The following SZT2 variants were observed in gnomAD, a reference collection of about 807,000 sequenced individuals.
SZT2 encodes KICSTOR complex protein SZT2.
A neutral mutation model predicts 404.2 loss-of-function variants in SZT2; 216 were observed. That is an observed-to-expected ratio of 0.53 (90% CI 0.48 to 0.60). SZT2 has a LOEUF of 0.60. Among genes scored for constraint, SZT2 ranks in the 20% least tolerant of loss-of-function variants. The probability of loss-of-function intolerance (pLI) is 0.00; values close to 1 mark genes in which losing one functional copy is unlikely to be tolerated. For synonymous variants in SZT2, 1,693 were observed against 1,749.9 expected, an observed-to-expected ratio of 0.97 and a Z score of 0.81; for missense variants, 3,857 against 4,459.2, an observed-to-expected ratio of 0.86 and a Z score of 3.85.
At position 43,433,024 on chromosome 1, in the gene SZT2, G is replaced by T; in HGVS notation, c.5638G>T (p.Gly1880Cys). The T allele has an allele frequency of 6.2e-7, 1 of 1,614,024 alleles. No individual in the cohort carries two copies. Residue 1880 changes from glycine to cysteine, a missense_variant, in exon 40 of 72, where the codon GGT becomes TGT. Gly to Cys is a radical substitution (Grantham distance 159). This residue lies in a region of SZT2 where 1,725 missense variants were observed against 1,881.0 expected (regional missense o/e 0.92). Transcript: ENST00000634258. ...TGGCAGCAGTGGCTCAGACAGTGAG[G>T]GTCCCAATGACACCCTTGGTGAGAA... ...DGGSSGSDSE[G>C]PNDTLGEKAP...
chr1:43,421,166 T>C lies in SZT2; in HGVS notation c.1497-8T>C, dbSNP rs745636903. 9.4e-6 allele frequency: 15 copies of C among 1,598,170 alleles called. No homozygotes were observed. The African/African-American group carries it at 1.5e-4, about 16-fold the overall frequency. ...AGATATGGCTCAGGCCTGGCCCTTA[T>C]TCTACAGCATCAACCAGACAGACCA... On this transcript the variant is annotated splice_region_variant and splice_polypyrimidine_tract_variant and intron_variant, in intron 10 of 71. Coordinates refer to ENST00000634258, the MANE Select transcript of SZT2 (RefSeq NM_001365999.1).
chr1:43,389,908 A>C lies in SZT2; in HGVS notation c.-61A>C. 1 of 1,549,096 alleles carries C rather than the reference A, an allele frequency of 6.5e-7. No homozygotes were observed. The highest frequency in any genetic ancestry group is 8.7e-7 in the Non-Finnish European group (1 of 1,148,914). Reference sequence around the variant, plus strand: ...GTTCCTGCTGGGTGCCGAGGTAGCGAGGTCAGGGGTCAAGAGTGGAACACC... The same window carrying C: ...GTTCCTGCTGGGTGCCGAGGTAGCGCGGTCAGGGGTCAAGAGTGGAACACC... On this transcript the variant is annotated 5_prime_UTR_variant, in exon 1 of 72. Transcript: ENST00000634258.
At position 43,450,845 on chromosome 1, in the gene SZT2, A is replaced by G. The variant is rs762857507; in HGVS notation, c.*365A>G. ...CCTGAATCCTGCCCCCTAGCCTTTG[A>G]CCACTGTCAGCCACCTGTGTCCCTT... On this transcript the variant is annotated 3_prime_UTR_variant, in exon 72 of 72. Coordinates refer to ENST00000634258, the MANE Select transcript of SZT2 (RefSeq NM_001365999.1). The surrounding 1 kb of genome is among the most constrained non-coding windows in gnomAD (Gnocchi z 4.3). 1 of 712,140 alleles carries G rather than the reference A, an allele frequency of 1.4e-6. No individual in the cohort carries two copies. The highest frequency in any genetic ancestry group is 1.4e-5 in the South Asian group (1 of 73,354). The allele number at this position is 712,140 out of a possible 1,614,324, so 44.1% of individuals were successfully genotyped here.
At chr1:43,393,180 G>A (rs527735179) in intron 1 of SZT2, among the ~76,000 whole-genome samples, 2 of 152,314 alleles carry the variant, frequency 1.3e-5, no homozygotes, top group Admixed American at 1.3e-4. Context: ...GAGGCAGAGA[G>A]CATTGCAGGC....
intron 35 of SZT2, 86 bp downstream of exon 35, chr1:43,431,609 G>T: frequency 6.2e-7 from 1 of 1,600,758 alleles, no homozygotes; most frequent in Non-Finnish European, 8.6e-7. Context: ...TGGGATAGAA[G>T]TGAGGCCTCT....
chr1:43,451,412 C>A lies in SZT2; in HGVS notation c.*932C>A. Reference sequence around the variant, plus strand: ...CCTTCCCCAGGGCCACGCCTCACCTCGAGGCTGATACTCACAGCCCACGAA... The same window carrying A: ...CCTTCCCCAGGGCCACGCCTCACCTAGAGGCTGATACTCACAGCCCACGAA... On this transcript the variant is annotated 3_prime_UTR_variant, in exon 72 of 72. Transcript: ENST00000634258. The A allele has an allele frequency of 1.9e-6, 3 of 1,612,572 alleles. No individual in the cohort carries two copies. The highest frequency in any genetic ancestry group is 2.5e-6 in the Non-Finnish European group (3 of 1,180,028).
intron 25 of SZT2, 35 bp from the exon 26 acceptor site, chr1:43,427,495 G>C (rs758047211): frequency 6.2e-7 from 1 of 1,613,612 alleles, no homozygotes; most frequent in Non-Finnish European, 8.5e-7. Context: ...GAAACAGATA[G>C]AGCTGGAAGA....
chr1:43,397,589 G>A (rs1321103752), intron 1 of SZT2, among the ~76,000 whole-genome samples: 5 of 150,870 alleles, frequency 3.3e-5, no homozygotes, highest in Non-Finnish European at 7.4e-5. Context: ...GTGCAGTGGT[G>A]CAATCTTGGC....
At chr1:43,417,521 C>T (rs956725548) in intron 7 of SZT2, among the ~76,000 whole-genome samples, 1 of 152,196 alleles carries the variant, frequency 6.6e-6, no homozygotes, top group Non-Finnish European at 1.5e-5. Flanking sequence ...TTAAGAACAT[C>T]ACCTTTGGAG....
chr1:43,427,624 T>C lies in SZT2; in HGVS notation c.3693T>C (p.Asp1231=), dbSNP rs772290345. The change falls in exon 26 of 72, where the codon GAT becomes GAC. Residue 1231 remains aspartate (D), a synonymous_variant. Transcript: ENST00000634258. ...AGGCTTCCCAGACAGAGAGTGCGGA[T>C]GGGCCCCGGACCCGGTGTCCTGTCT... is the stretch of plus-strand genomic sequence containing the variant. The part of the protein sequence containing the change: ...GRQASQTESA[D]GPRTRCPVYI... The C allele has an allele frequency of 1.2e-6, 2 of 1,614,084 alleles. No homozygotes were observed. The highest frequency in any genetic ancestry group is 1.7e-6 in the Non-Finnish European group (2 of 1,180,058).
intron 1 of SZT2, among the ~76,000 whole-genome samples, chr1:43,400,606 T>C (rs1217931698): frequency 6.6e-6 from 1 of 152,222 alleles, no homozygotes; most frequent in African/African-American, 2.4e-5. Flanking sequence ...GCGTGGTGGC[T>C]CACGCCTGTA....
In SZT2 at chr1:43,441,418, G is replaced by A. The variant is rs1655047461; in HGVS notation, c.7511+38G>A. ...TGGTGGTGTGCCCTGGGAGGGTATG[G>A]GTGTGAAGTCACAGATGGGCCTTGG... On this transcript the variant is annotated intron_variant, in intron 53 of 71. Transcript: ENST00000634258. The surrounding 1 kb of genome is among the most constrained non-coding windows in gnomAD (Gnocchi z 4.8). 7.4e-6 allele frequency: 12 copies of A among 1,611,942 alleles called. No homozygotes were observed. Among genetic ancestry groups the A allele is most frequent in the Non-Finnish European group, 1.0e-5 (12 of 1,178,610 alleles).
Position 43,424,693 on chromosome 1 carries a change from CTGGGAGG to C in SZT2, c.2472-86_2472-80del. The C allele has an allele frequency of 1.7e-6, 2 of 1,159,772 alleles. No individual in the cohort carries two copies. Among genetic ancestry groups the C allele is most frequent in the Non-Finnish European group, 2.5e-6 (2 of 786,256 alleles). The allele number at this position is 1,159,772 out of a possible 1,614,324, so 71.8% of individuals were successfully genotyped here. On this transcript the variant is annotated intron_variant, in intron 16 of 71. Coordinates refer to ENST00000634258, the MANE Select transcript of SZT2 (RefSeq NM_001365999.1). The surrounding 1 kb of genome is among the most constrained non-coding windows in gnomAD (Gnocchi z 4.1). ...AGCAGACTTGGCTCCTTGAGGACTG[CTGGGAGG>C]TGGGTGTATGTGGGGAGAGCTTGTA... is the stretch of plus-strand genomic sequence containing the variant.
At position 43,437,991 on chromosome 1, in the gene SZT2, A is replaced by AG. The variant is rs1654644870; in HGVS notation, c.6508+90dup. 7.6e-7 allele frequency: 1 copy of AG among 1,323,446 alleles called. No homozygotes were observed. The highest frequency in any genetic ancestry group is 1.7e-5 in the Admixed American group (1 of 57,492). 82.0% of individuals were successfully genotyped at this position (1,323,446 alleles called of 1,614,324 possible). ...CTTAGAACCTTGCAAGCATTACACT[A>AG]GAAGTTATGTAACAGTCTCAGCCCA... On this transcript the variant is annotated intron_variant, in intron 46 of 71. Transcript: ENST00000634258. The surrounding 1 kb of genome is among the most constrained non-coding windows in gnomAD (Gnocchi z 5.3).
intron 1 of SZT2, 63 bp downstream of exon 1, chr1:43,390,058 G>A: frequency 7.3e-7 from 1 of 1,372,298 alleles, no homozygotes; most frequent in Non-Finnish European, 9.4e-7. Context: ...CGGCGGGCAG[G>A]CGTGGCGTTG....
chr1:43,409,515 A>G (rs1418297403), intron 4 of SZT2: 1 of 394,230 alleles, frequency 2.5e-6, no homozygotes, highest in Non-Finnish European at 5.0e-6. Flanking sequence ...TTTATTTGGA[A>G]AAACCTAATG....
chr1:43,414,146 G>C (rs1486480438), intron 4 of SZT2, among the ~76,000 whole-genome samples: 1 of 152,030 alleles, frequency 6.6e-6, no homozygotes, highest in Admixed American at 6.5e-5. Flanking sequence ...CCTGGGTGTG[G>C]TGGCCCATGC....
rs933705712 is a variant in SZT2 at position 43,450,592 on chromosome 1, C to G, written c.*112C>G. Reference sequence around the variant, plus strand: ...TCTGGGCCCCAGGGCAAGCCAGACACTGAGTGACACCAAAGGCTTTGTAAC... The same window carrying G: ...TCTGGGCCCCAGGGCAAGCCAGACAGTGAGTGACACCAAAGGCTTTGTAAC... On this transcript the variant is annotated 3_prime_UTR_variant, in exon 72 of 72. Coordinates refer to ENST00000634258, the MANE Select transcript of SZT2 (RefSeq NM_001365999.1). The surrounding 1 kb of genome is among the most constrained non-coding windows in gnomAD (Gnocchi z 4.3). 5.0e-5 allele frequency: 73 copies of G among 1,453,976 alleles called. No homozygotes were observed. Among genetic ancestry groups the G allele is most frequent in the Middle Eastern group, 1.8e-4 (1 of 5,604 alleles). The allele number at this position is 1,453,976 out of a possible 1,614,324, so 90.1% of individuals were successfully genotyped here.
chr1:43,448,462 T>C lies in SZT2; in HGVS notation c.9947T>C (p.Ile3316Thr), dbSNP rs375728143. ...CTAGAAGCAGTCCATGCCAAATCCATTGGGGACATCGACCCCCAGCTGGTA... is the reference window on the plus strand; with the variant it reads ...CTAGAAGCAGTCCATGCCAAATCCACTGGGGACATCGACCCCCAGCTGGTA... Reference protein sequence around the residue: ...ELLEAVHAKSIGDIDPQLDCF... With the variant: ...ELLEAVHAKSTGDIDPQLDCF... Residue 3316 changes from isoleucine (I) to threonine (T), a missense_variant, in exon 69 of 72, where the codon ATT (isoleucine) becomes ACT (threonine). Ile to Thr is a moderately conservative substitution (Grantham distance 89). Coordinates refer to ENST00000634258, the MANE Select transcript of SZT2 (RefSeq NM_001365999.1). The surrounding 1 kb of genome is among the most constrained non-coding windows in gnomAD (Gnocchi z 4.2). 1.4e-5 allele frequency: 22 copies of C among 1,609,938 alleles called. No homozygotes were observed. Among genetic ancestry groups the C allele is most frequent in the African/African-American group, 2.7e-5 (2 of 74,900 alleles).
Sources: allele counts gnomAD v4.1 joint callset (sites outside exome capture counted in the v4.1 genomes callset), GRCh38; gene constraint gnomAD v4.1.1; regional missense constraint gnomAD v4.1.1; non-coding constraint Gnocchi (gnomAD v3.1); transcripts MANE v1.5; gene names NCBI Gene and HGNC (gene_info 2026-07-23, HGNC 2026-07-21).